Variants in DCHS2 observed in about 807,000 individuals in gnomAD.
DCHS2 encodes the protein protocadherin-23.
Under a neutral mutation model 182.4 loss-of-function variants are expected in DCHS2, and 142 were observed. The observed-to-expected ratio is 0.78, with a 90% CI of 0.68 to 0.89. The LOEUF (loss-of-function observed/expected upper bound fraction) is 0.89, where lower values mean the gene tolerates loss of function less well. DCHS2 is among the 40% of genes least tolerant of loss of function. The pLI is 0.00. For synonymous variants in DCHS2, 1,740 were observed against 1,663.3 expected, an observed-to-expected ratio of 1.05 and a Z score of -1.12; for missense variants, 4,319 against 4,198.6, an observed-to-expected ratio of 1.03 and a Z score of -0.79.
intron 7 of DCHS2, chr4:154,322,697 A>C: frequency 1.7e-6 from 1 of 578,370 alleles, no homozygotes; most frequent in East Asian, 3.8e-5. Context: ...AGTGGACAAA[A>C]TGGTATAATA....
intron 1 of DCHS2, among the ~76,000 whole-genome samples, chr4:154,430,949 C>T (rs981112137): frequency 1.3e-5 from 2 of 152,142 alleles, no homozygotes; most frequent in Non-Finnish European, 2.9e-5. Context: ...ACCAGCAATG[C>T]CCTATCTTAA....
chr4:154,409,098 C>G (rs921983936), intron 1 of DCHS2, among the ~76,000 whole-genome samples: 1 of 152,184 alleles, frequency 6.6e-6, no homozygotes, highest in Non-Finnish European at 1.5e-5. Context: ...CCTAGAGAAA[C>G]CGAGCATTGG....
At chr4:154,376,511 T>C (rs183780815) in intron 2 of DCHS2, among the ~76,000 whole-genome samples, 27 of 152,198 alleles carry the variant, frequency 1.8e-4, no homozygotes, top group African/African-American at 6.0e-4. Flanking sequence ...AATTCCTGTA[T>C]GAATTATACT....
chr4:154,483,611 G>C lies in DCHS2; in HGVS notation c.2052+5693C>G, dbSNP rs1736003625. On this transcript the variant is annotated intron_variant, in intron 1 of 19. Coordinates refer to ENST00000357232, the MANE Select transcript of DCHS2 (RefSeq NM_001358235.2). ...TCCATAGGAAACAGGAAGAAGAGGA[G>C]AGAGAAACAGGCAGATTCAAATAAC... Among the ~76,000 whole-genome samples the C allele has an allele frequency of 2.0e-5, 3 of 152,308 alleles. No homozygotes were observed. In the South Asian group the frequency reaches 6.2e-4, roughly 32 times the overall value.
intron 12 of DCHS2, among the ~76,000 whole-genome samples, 153 bp downstream of exon 12, chr4:154,304,512 ATACT>A (rs1735356591): frequency 6.6e-6 from 1 of 152,130 alleles, no homozygotes; most frequent in African/African-American, 2.4e-5. Flanking sequence ...TAATTTAAAA[ATACT>A]TACCAATTTG....
intron 13 of DCHS2, among the ~76,000 whole-genome samples, chr4:154,271,440 A>G (rs1360833209): frequency 6.6e-6 from 1 of 152,194 alleles, no homozygotes; most frequent in Non-Finnish European, 1.5e-5. Flanking sequence ...AAATAAGTGG[A>G]TGAGCAGATC....
At chr4:154,358,306 CT>C (rs1396506423) in intron 3 of DCHS2, among the ~76,000 whole-genome samples, 1 of 152,182 alleles carries the variant, frequency 6.6e-6, no homozygotes, top group African/African-American at 2.4e-5. Flanking sequence ...CAAGTTCCAT[CT>C]TATTTATGCT....
intron 19 of DCHS2, chr4:154,237,395 T>C (rs1731583642): frequency 1.4e-5 from 7 of 501,694 alleles, no homozygotes; most frequent in South Asian, 6.4e-5. Flanking sequence ...TGTGTGCTGC[T>C]TGAGGTTGCT....
intron 13 of DCHS2, among the ~76,000 whole-genome samples, chr4:154,291,566 G>A (rs1292607270): frequency 2.6e-5 from 4 of 152,046 alleles, no homozygotes; most frequent in South Asian, 2.1e-4. Context: ...ACAGCTGAAC[G>A]GATAAAGAAA....
At position 154,491,295 on chromosome 4, in the gene DCHS2, T is replaced by C; in HGVS notation, c.61A>G (p.Lys21Glu). 6.5e-7 allele frequency: 1 copy of C among 1,548,560 alleles called. No homozygotes were observed. The highest frequency in any genetic ancestry group is 8.7e-7 in the Non-Finnish European group (1 of 1,145,176). The change falls in exon 1 of 20, where the codon AAG becomes GAG. Residue 21 changes from lysine to glutamate, a missense_variant. Transcript: ENST00000357232. ...CTCCTCCCGGGGAGCAGAAGGAGCT[T>C]CCCGACCGGAGCCCGCCGCTGCTGA... ...GRQQRRAPVG[K>E]LLLLPGRRDT...
chr4:154,294,331 G>A (rs958525505), intron 13 of DCHS2, among the ~76,000 whole-genome samples: 2 of 152,162 alleles, frequency 1.3e-5, no homozygotes, highest in African/African-American at 2.4e-5. Flanking sequence ...ACTGTGAGGG[G>A]TATCCTCAGG....
intron 3 of DCHS2, among the ~76,000 whole-genome samples, chr4:154,347,675 A>G (rs1385117473): frequency 6.6e-6 from 1 of 151,884 alleles, no homozygotes; most frequent in African/African-American, 2.4e-5. Flanking sequence ...TCCATGCACC[A>G]AGAAATAATC....
chr4:154,379,914 G>GC (rs1220923789), intron 1 of DCHS2, among the ~76,000 whole-genome samples: 1 of 152,034 alleles, frequency 6.6e-6, no homozygotes, highest in Non-Finnish European at 1.5e-5. Flanking sequence ...GGACAAGTTT[G>GC]CCCCCCAAGA....
chr4:154,317,835 G>C (rs1271253048), intron 9 of DCHS2, among the ~76,000 whole-genome samples: 2 of 152,106 alleles, frequency 1.3e-5, no homozygotes, highest in Non-Finnish European at 2.9e-5. Context: ...CAGAGTACCT[G>C]ACAGTGAATA....
intron 3 of DCHS2, among the ~76,000 whole-genome samples, chr4:154,346,987 C>T (rs1440388057): frequency 1.3e-5 from 2 of 151,590 alleles, no homozygotes; most frequent in Admixed American, 1.3e-4. Context: ...ATTAAAGATA[C>T]GTCTGTGACA....
At chr4:154,341,698 C>CA (rs1420878090) in intron 3 of DCHS2, among the ~76,000 whole-genome samples, 2 of 151,898 alleles carry the variant, frequency 1.3e-5, no homozygotes, top group African/African-American at 4.8e-5. Flanking sequence ...ATTGTGTGAA[C>CA]AAAAAACCTG....
chr4:154,402,169 GC>G (rs1732213677), intron 1 of DCHS2, among the ~76,000 whole-genome samples: 1 of 152,060 alleles, frequency 6.6e-6, no homozygotes, highest in African/African-American at 2.4e-5. Context: ...CCACTAAATT[GC>G]CCTGGTACCC....
intron 1 of DCHS2, among the ~76,000 whole-genome samples, chr4:154,410,863 T>C (rs979883379): frequency 6.6e-6 from 1 of 152,166 alleles, no homozygotes; most frequent in Admixed American, 6.6e-5. Flanking sequence ...CAAAGAATTT[T>C]TAAAGCAGCA....
chr4:154,413,561 T>G (rs1193109188), intron 1 of DCHS2, among the ~76,000 whole-genome samples: 1 of 152,224 alleles, frequency 6.6e-6, no homozygotes, highest in Non-Finnish European at 1.5e-5. Context: ...ACTTGATCTG[T>G]GTCCCAGAAG....
Sources: allele counts gnomAD v4.1 joint callset (sites outside exome capture counted in the v4.1 genomes callset), GRCh38; gene constraint gnomAD v4.1.1; transcripts MANE v1.5; gene names NCBI Gene and HGNC (gene_info 2026-07-23, HGNC 2026-07-21).